The following KIZ variants were observed in gnomAD, a reference collection of about 807,000 sequenced individuals.
KIZ encodes the protein kizuna centrosomal protein.
In KIZ, 68 loss-of-function variants were observed where a neutral mutation model predicts 79.6. That is an observed-to-expected ratio of 0.85 (90% CI 0.70 to 1.05). The LOEUF (loss-of-function observed/expected upper bound fraction) is 1.05, where lower values mean the gene tolerates loss of function less well. Among genes scored for constraint, KIZ ranks in the 50% least tolerant of loss-of-function variants. The pLI is 0.00. For synonymous variants in KIZ, 280 were observed against 281.8 expected (o/e 0.99, Z 0.06); for missense variants, 797 against 800.4 (o/e 1.00, Z 0.05).
intron 7 of KIZ, among the ~76,000 whole-genome samples, chr20:21,207,684 T>C (rs1304277504): frequency 6.6e-6 from 1 of 151,964 alleles, no homozygotes; most frequent in East Asian, 1.9e-4. Context: ...CTATTCCTTC[T>C]TTGCTGATGA....
intron 4 of KIZ, among the ~76,000 whole-genome samples, chr20:21,159,921 A>C (rs1165579219): frequency 1.3e-5 from 2 of 152,212 alleles, no homozygotes; most frequent in Non-Finnish European, 2.9e-5. Flanking sequence ...TAACTTTTTC[A>C]GGAGCTGCCA....
chr20:21,130,962 C>G (rs1346442107), intron 1 of KIZ, among the ~76,000 whole-genome samples: 2 of 152,214 alleles, frequency 1.3e-5, no homozygotes, highest in Non-Finnish European at 2.9e-5. Context: ...GAGTCCTTAT[C>G]TTTATTTCAC....
Position 21,229,037 on chromosome 20 carries a change from A to G in KIZ, c.1705A>G (p.Lys569Glu), listed in dbSNP as rs1016673163. 4 of 1,610,010 alleles carry G rather than the reference A, an allele frequency of 2.5e-6. No individual in the cohort carries two copies. In the African/African-American group the frequency reaches 4.0e-5, roughly 16 times the overall value. Reference sequence around the variant, plus strand: ...AACAGAAGCCTATCAGTTGCTGAAGAAGGCCACCCTTCAGGATAATACAAA... The same window carrying G: ...AACAGAAGCCTATCAGTTGCTGAAGGAGGCCACCCTTCAGGATAATACAAA... ...TETEAYQLLK[K>E]ATLQDNTNQT... Residue 569 changes from lysine (K) to glutamate (E), a missense_variant, in exon 10 of 13, where the codon AAG becomes GAG. Transcript: ENST00000619189.
chr20:21,177,414 C>T (rs1210393597), intron 6 of KIZ, among the ~76,000 whole-genome samples: 1 of 152,088 alleles, frequency 6.6e-6, no homozygotes, highest in East Asian at 1.9e-4. Flanking sequence ...GTCTTTAGCC[C>T]GTATTTTAAT....
intron 6 of KIZ, among the ~76,000 whole-genome samples, chr20:21,182,256 G>A (rs376895819): frequency 6.2e-4 from 95 of 152,258 alleles, no homozygotes; most frequent in African/African-American, 2.3e-3. Flanking sequence ...CACCGTCTGA[G>A]GACACAGTGA....
intron 6 of KIZ, among the ~76,000 whole-genome samples, chr20:21,190,963 A>G (rs933087270): frequency 6.6e-6 from 1 of 152,286 alleles, no homozygotes; most frequent in Admixed American, 6.5e-5. Context: ...TAATTGTAAG[A>G]TGGAGGAGGA....
intron 6 of KIZ, among the ~76,000 whole-genome samples, chr20:21,164,323 A>C (rs1202378808): frequency 6.6e-6 from 1 of 152,244 alleles, no homozygotes; most frequent in Non-Finnish European, 1.5e-5. Context: ...ATTTATTAAG[A>C]GCATATCCAA....
rs542507026 is a variant in KIZ at position 21,185,064 on chromosome 20, G to A, written c.1353-20427G>A. Among the ~76,000 whole-genome samples, 11 of 151,898 alleles carry A rather than the reference G, an allele frequency of 7.2e-5. No individual in the cohort carries two copies. In the South Asian group the frequency reaches 2.3e-3, roughly 32 times the overall value. Reference sequence around the variant, plus strand: ...TCTCAAGGAAAGGAAAAAAATAATTGTGTGTGTGTGTGTCTGTGTGTACGT... The same window carrying A: ...TCTCAAGGAAAGGAAAAAAATAATTATGTGTGTGTGTGTCTGTGTGTACGT... On this transcript the variant is annotated intron_variant, in intron 6 of 12. Coordinates refer to ENST00000619189, the MANE Select transcript of KIZ (RefSeq NM_018474.6).
chr20:21,207,276 T>G (rs992058480), intron 7 of KIZ, among the ~76,000 whole-genome samples: 1 of 152,190 alleles, frequency 6.6e-6, no homozygotes, highest in African/African-American at 2.4e-5. Context: ...AGACCCCTCT[T>G]TCCTTGCTGC....
At chr20:21,193,630 A>G (rs1282729414) in intron 6 of KIZ, among the ~76,000 whole-genome samples, 5 of 152,108 alleles carry the variant, frequency 3.3e-5, no homozygotes, top group African/African-American at 1.2e-4. Flanking sequence ...GATAGACTGG[A>G]TTATGAAAAT....
chr20:21,244,537 G>T (rs2037325789), intron 12 of KIZ: 2 of 516,258 alleles, frequency 3.9e-6, no homozygotes, highest in Non-Finnish European at 3.4e-6. Context: ...ATTTGCAGGG[G>T]ATCCTGGCCT....
chr20:21,130,312 C>G (rs138136642), intron 1 of KIZ, among the ~76,000 whole-genome samples: 43 of 152,284 alleles, frequency 2.8e-4, no homozygotes, highest in African/African-American at 1.0e-3. Flanking sequence ...AGACTGCAGT[C>G]GTGCTTTCTT....
intron 6 of KIZ, among the ~76,000 whole-genome samples, chr20:21,189,591 C>T (rs760622797): frequency 6.6e-6 from 1 of 152,114 alleles, no homozygotes; most frequent in African/African-American, 2.4e-5. Context: ...TAAAATGGAA[C>T]AGAATGATGA....
rs755310011 is a variant in KIZ, at chr20:21,162,858, G to A, written c.1051G>A (p.Ala351Thr). 7.4e-6 allele frequency: 12 copies of A among 1,612,094 alleles called. No individual in the cohort carries two copies. Among genetic ancestry groups the A allele is most frequent in the Non-Finnish European group, 9.3e-6 (11 of 1,179,076 alleles). ...CATGTCGCCACTTGCAGATCATCTTGCTCACAGGGAACCAAAGTCACAAAA... is the reference window on the plus strand; with the variant it reads ...CATGTCGCCACTTGCAGATCATCTTACTCACAGGGAACCAAAGTCACAAAA... Reference protein sequence around the residue: ...SPWEGVSDHLAHREPKSQKPF... With the variant: ...SPWEGVSDHLTHREPKSQKPF... Residue 351 changes from alanine (A) to threonine (T), a missense_variant, in exon 6 of 13, where the codon GCT becomes ACT. Ala to Thr is a moderately conservative substitution (Grantham distance 58). Transcript: ENST00000619189.
chr20:21,178,416 A>G (rs2034522153), intron 6 of KIZ, among the ~76,000 whole-genome samples: 1 of 152,096 alleles, frequency 6.6e-6, no homozygotes. Context: ...TGATTTTTGT[A>G]TGTTGATTTT....
intron 6 of KIZ, among the ~76,000 whole-genome samples, chr20:21,184,149 T>TC (rs1024908576): frequency 4.7e-5 from 7 of 150,092 alleles, no homozygotes; most frequent in African/African-American, 7.3e-5. Context: ...CTGACATCTT[T>TC]TTTTTTTTTT....
intron 6 of KIZ, among the ~76,000 whole-genome samples, chr20:21,178,344 A>T (rs1344164391): frequency 6.6e-6 from 1 of 152,036 alleles, no homozygotes; most frequent in Non-Finnish European, 1.5e-5. Context: ...TGCTATTGTA[A>T]ATGGAAATAT....
At chr20:21,184,694 A>G (rs889503913) in intron 6 of KIZ, among the ~76,000 whole-genome samples, 4 of 152,198 alleles carry the variant, frequency 2.6e-5, no homozygotes, top group Non-Finnish European at 5.9e-5. Flanking sequence ...GTCTGCAGGT[A>G]GGCCAGGTGA....
At chr20:21,182,602 C>G (rs1236921292) in intron 6 of KIZ, among the ~76,000 whole-genome samples, 4 of 152,058 alleles carry the variant, frequency 2.6e-5, no homozygotes, top group Non-Finnish European at 5.9e-5. Context: ...TCAAGACCAA[C>G]CTAGGCAACA....
Sources: allele counts gnomAD v4.1 joint callset (sites outside exome capture counted in the v4.1 genomes callset), GRCh38; gene constraint gnomAD v4.1.1; transcripts MANE v1.5; gene names NCBI Gene and HGNC (gene_info 2026-07-23, HGNC 2026-07-21).